Variants in HS6ST3 observed in about 807,000 individuals in gnomAD.
HS6ST3 encodes heparan sulfate 6-O-sulfotransferase 3, also known as heparan-sulfate 6-O-sulfotransferase 3.
HS6ST3 carries 12 observed loss-of-function variants against 36.7 expected under a neutral mutation model. That is an observed-to-expected ratio of 0.33 (90% CI 0.21 to 0.53). The LOEUF is 0.53. Among genes scored for constraint, HS6ST3 ranks in the 20% least tolerant of loss-of-function variants. HS6ST3 has a pLI of 0.95. For synonymous variants in HS6ST3, 240 were observed against 257.5 expected, an observed-to-expected ratio of 0.93 and a Z score of 0.65; for missense variants, 584 against 640.9, an observed-to-expected ratio of 0.91 and a Z score of 0.96.
At chr13:96,211,960 G>A (rs183566745) in intron 1 of HS6ST3, among the ~76,000 whole-genome samples, 16 of 152,282 alleles carry the variant, frequency 1.1e-4, no homozygotes, top group African/African-American at 2.9e-4. Context: ...TCTTGCCATC[G>A]TAGAGCACAC....
rs756871882 is a variant in HS6ST3 at position 96,791,060 on chromosome 13, G to A, written c.708-41430G>A. On this transcript the variant is annotated intron_variant, in intron 1 of 1. Coordinates refer to ENST00000376705, the MANE Select transcript of HS6ST3 (RefSeq NM_153456.4). Reference sequence around the variant, plus strand: ...CACTGATATTAGATACAGTTTGGGGGAATCTTCTTTTTCCTTTAGCCCTTA... The same window carrying A: ...CACTGATATTAGATACAGTTTGGGGAAATCTTCTTTTTCCTTTAGCCCTTA... Among the ~76,000 whole-genome samples, 7 of 151,900 alleles carry A rather than the reference G, an allele frequency of 4.6e-5. No homozygotes were observed. The South Asian group carries it at 6.2e-4, about 14-fold the overall frequency.
intron 1 of HS6ST3, among the ~76,000 whole-genome samples, chr13:96,342,294 A>G (rs949729461): frequency 1.3e-5 from 2 of 152,046 alleles, no homozygotes; most frequent in African/African-American, 4.8e-5. Context: ...TGTTATATTT[A>G]TTTGTCTATC....
intron 1 of HS6ST3, among the ~76,000 whole-genome samples, chr13:96,314,986 C>T (rs1443408311): frequency 3.0e-4 from 45 of 152,074 alleles, no homozygotes; most frequent in Non-Finnish European, 2.9e-5. Flanking sequence ...CAGAATGTGT[C>T]AGAAACTATT....
At chr13:96,467,966 T>C (rs1485999824) in intron 1 of HS6ST3, among the ~76,000 whole-genome samples, 3 of 152,134 alleles carry the variant, frequency 2.0e-5, no homozygotes, top group Admixed American at 6.6e-5. Flanking sequence ...ACAGCATTAG[T>C]CAGTATCAAC....
intron 1 of HS6ST3, among the ~76,000 whole-genome samples, chr13:96,140,504 C>G (rs1010113999): frequency 1.8e-4 from 28 of 152,162 alleles, no homozygotes; most frequent in African/African-American, 5.3e-4. Context: ...AATGTAATGG[C>G]ACTAGTGATG....
chr13:96,467,567 A>G (rs1031731834), intron 1 of HS6ST3, among the ~76,000 whole-genome samples: 2 of 152,194 alleles, frequency 1.3e-5, no homozygotes, highest in Admixed American at 1.3e-4. Context: ...CTGAATGTAC[A>G]AGGCCTGGTG....
chr13:96,753,617 A>G (rs932680872), intron 1 of HS6ST3, among the ~76,000 whole-genome samples: 1 of 152,088 alleles, frequency 6.6e-6, no homozygotes, highest in Non-Finnish European at 1.5e-5. Context: ...GGTTTTCTTT[A>G]TAGATAATTA....
At chr13:96,656,955 TTGTGTGTGTGTGTGTGTGTGTG>T (rs754838881) in intron 1 of HS6ST3, among the ~76,000 whole-genome samples, 3 of 122,244 alleles carry the variant, frequency 2.5e-5, no homozygotes, top group Admixed American at 8.2e-5. Flanking sequence ...GGCTTTTCTT[TTGTGTGTGTGTGTGTGTGTGTG>T]TGTGTGTGTG....
intron 1 of HS6ST3, among the ~76,000 whole-genome samples, chr13:96,604,654 A>T (rs1353620718): frequency 1.3e-5 from 2 of 152,202 alleles, no homozygotes; most frequent in Non-Finnish European, 2.9e-5. Context: ...AATTGAGCTT[A>T]TAGTATTCTA....
At chr13:96,791,764 G>A (rs771029287) in intron 1 of HS6ST3, among the ~76,000 whole-genome samples, 2 of 152,106 alleles carry the variant, frequency 1.3e-5, no homozygotes, top group South Asian at 4.1e-4. Flanking sequence ...GTAATGCCGT[G>A]TGTTTTAGAT....
chr13:96,453,103 A>G (rs924646339), intron 1 of HS6ST3, among the ~76,000 whole-genome samples: 1 of 152,038 alleles, frequency 6.6e-6, no homozygotes, highest in Non-Finnish European at 1.5e-5. Flanking sequence ...ATCCCTGAGC[A>G]TAAGAAAATC....
intron 1 of HS6ST3, among the ~76,000 whole-genome samples, chr13:96,760,988 T>C (rs1239474166): frequency 2.6e-5 from 4 of 152,212 alleles, no homozygotes; most frequent in Non-Finnish European, 5.9e-5. Flanking sequence ...CTATGTTATC[T>C]TTCAGCATCC....
intron 1 of HS6ST3, among the ~76,000 whole-genome samples, chr13:96,705,892 T>G (rs1447871566): frequency 6.6e-6 from 1 of 152,262 alleles, no homozygotes; most frequent in Non-Finnish European, 1.5e-5. Flanking sequence ...ATCACTAAAC[T>G]TTTGCTGATT....
At chr13:96,395,611 A>ATT (rs1221157404) in intron 1 of HS6ST3, among the ~76,000 whole-genome samples, 8 of 152,148 alleles carry the variant, frequency 5.3e-5, no homozygotes, top group African/African-American at 1.9e-4. Context: ...GCTCCTCCCC[A>ATT]GTGTCCCTGT....
intron 1 of HS6ST3, among the ~76,000 whole-genome samples, chr13:96,467,001 A>G (rs2139495846): frequency 6.6e-6 from 1 of 152,312 alleles, no homozygotes; most frequent in East Asian, 1.9e-4. Context: ...CTGAAGCCAA[A>G]GATAGCACAA....
chr13:96,598,250 G>A (rs1310828622), intron 1 of HS6ST3, among the ~76,000 whole-genome samples: 2 of 152,066 alleles, frequency 1.3e-5, no homozygotes, highest in Non-Finnish European at 2.9e-5. Context: ...CGTTGAAACT[G>A]TAGGTTGCTT....
intron 1 of HS6ST3, among the ~76,000 whole-genome samples, chr13:96,747,270 C>G (rs1458413385): frequency 6.6e-6 from 1 of 151,790 alleles, no homozygotes; most frequent in Non-Finnish European, 1.5e-5. Flanking sequence ...TGCTTCCTAA[C>G]AAATGCAGCA....
intron 1 of HS6ST3, among the ~76,000 whole-genome samples, chr13:96,186,801 A>T (rs1455619491): frequency 6.6e-6 from 1 of 152,110 alleles, no homozygotes; most frequent in Non-Finnish European, 1.5e-5. Flanking sequence ...TCTGTGTGTG[A>T]GTACTCATAA....
intron 1 of HS6ST3, among the ~76,000 whole-genome samples, chr13:96,632,528 G>A (rs769343097): frequency 2.0e-5 from 3 of 151,978 alleles, no homozygotes; most frequent in East Asian, 1.9e-4. Flanking sequence ...TCTGCAATTC[G>A]ATCTTTTTAA....
Sources: allele counts gnomAD v4.1 joint callset (sites outside exome capture counted in the v4.1 genomes callset), GRCh38; gene constraint gnomAD v4.1.1; transcripts MANE v1.5; gene names NCBI Gene and HGNC (gene_info 2026-07-23, HGNC 2026-07-21).